The following CYP2J2 variants were observed in gnomAD, a reference collection of about 807,000 sequenced individuals.
The protein encoded by CYP2J2 is cytochrome P450 family 2 subfamily J member 2.
In CYP2J2, 41 loss-of-function variants were observed where a neutral mutation model predicts 48.8. That is an observed-to-expected ratio of 0.84 (90% CI 0.66 to 1.09). The LOEUF (loss-of-function observed/expected upper bound fraction) is 1.09, where lower values mean the gene tolerates loss of function less well. Ranked by LOEUF, CYP2J2 falls within the 50% of genes least tolerant of loss-of-function variation. The probability of loss-of-function intolerance (pLI) is 0.00; values close to 1 mark genes in which losing one functional copy is unlikely to be tolerated. For synonymous variants in CYP2J2, 221 were observed against 227.1 expected (o/e 0.97, Z 0.24); for missense variants, 644 against 617.3 (o/e 1.04, Z -0.46).
intron 1 of CYP2J2, among the ~76,000 whole-genome samples, chr1:59,918,611 C>A (rs1400445118): frequency 3.3e-5 from 5 of 151,034 alleles, no homozygotes; most frequent in Non-Finnish European, 4.4e-5. Flanking sequence ...CAGAGGGCCT[C>A]TGAGAAGACT....
chr1:59,956,485 G>A, the CYP2J2 span, among the ~76,000 whole-genome samples: 1 of 152,016 alleles, frequency 6.6e-6, no homozygotes, highest in African/African-American at 2.4e-5. Flanking sequence ...TTTTTTCAAT[G>A]TTTCAACTTC....
the CYP2J2 span, among the ~76,000 whole-genome samples, chr1:59,934,175 T>C: frequency 3.9e-5 from 6 of 152,102 alleles, no homozygotes; most frequent in Admixed American, 2.6e-4. Context: ...CAAAACTGTA[T>C]AACCACATGT....
At chr1:59,960,334 C>G in the CYP2J2 span, among the ~76,000 whole-genome samples, 1 of 152,110 alleles carries the variant, frequency 6.6e-6, no homozygotes, top group African/African-American at 2.4e-5. Context: ...GAAGAGAGAG[C>G]TGGAGAAATT....
At chr1:59,933,492 T>C in the CYP2J2 span, among the ~76,000 whole-genome samples, 1 of 152,186 alleles carries the variant, frequency 6.6e-6, no homozygotes, top group South Asian at 2.1e-4. Flanking sequence ...GTTGTTAGTG[T>C]ATAGAAACAC....
the CYP2J2 span, among the ~76,000 whole-genome samples, chr1:59,955,779 T>C: frequency 6.6e-6 from 1 of 151,882 alleles, no homozygotes. Flanking sequence ...AAGAAGGGGG[T>C]TGGCTGTATT....
the CYP2J2 span, among the ~76,000 whole-genome samples, chr1:59,938,023 A>T: frequency 6.6e-6 from 1 of 152,052 alleles, no homozygotes; most frequent in East Asian, 1.9e-4. Flanking sequence ...ACTATTTTGA[A>T]TTCTCTGTGT....
At chr1:59,960,510 C>T in the CYP2J2 span, among the ~76,000 whole-genome samples, 2 of 152,166 alleles carry the variant, frequency 1.3e-5, no homozygotes, top group African/African-American at 4.8e-5. Flanking sequence ...ACTGCATACC[C>T]AGAGACTAGA....
At chr1:59,909,754 C>A in intron 5 of CYP2J2, 30 bp downstream of exon 5, 1 of 1,536,680 alleles carries the variant, frequency 6.5e-7, no homozygotes, top group African/African-American at 1.4e-5. Context: ...GCTCTAAGAA[C>A]AAAATACAAA....
the CYP2J2 span, among the ~76,000 whole-genome samples, chr1:59,958,841 A>T: frequency 7.2e-5 from 11 of 152,116 alleles, no homozygotes; most frequent in African/African-American, 2.4e-4. Context: ...CTATGTGAAC[A>T]ACCTCCAAAA....
chr1:59,905,923 A>G (rs963251765), intron 6 of CYP2J2, among the ~76,000 whole-genome samples: 9 of 152,194 alleles, frequency 5.9e-5, no homozygotes, highest in African/African-American at 1.7e-4. Flanking sequence ...TATTTTCCTC[A>G]CGCTTGTAAT....
chr1:59,935,017 T>TATATATATATATATATACAC, the CYP2J2 span, among the ~76,000 whole-genome samples: 1 of 33,192 alleles, frequency 3.0e-5, no homozygotes. Context: ...TATATATACA[T>TATATATATATATATATACAC]ATATATATAT....
chr1:59,912,486 C>T (rs1644426774), intron 2 of CYP2J2, 175 bp from the exon 3 acceptor site: 1 of 627,726 alleles, frequency 1.6e-6, no homozygotes, highest in Non-Finnish European at 2.7e-6. Context: ...TTACTGATTG[C>T]TTGCAATGGC....
Position 59,893,670 on chromosome 1 carries a change from C to T in CYP2J2, c.1490G>A (p.Cys497Tyr). The change falls in exon 9 of 9, where the codon TGC becomes TAC. Residue 497 changes from cysteine (C) to tyrosine (Y), a missense_variant. Cys to Tyr is a radical substitution (Grantham distance 194). Coordinates refer to ENST00000371204, the MANE Select transcript of CYP2J2 (RefSeq NM_000775.4). Reference protein sequence around the residue: ...ITISPVSHRLCAVPQV With the variant: ...ITISPVSHRLYAVPQV Reference sequence around the variant, plus strand: ...ACAATATTACACCTGAGGAACAGCGCAGAGGCGGTGACTGACTGGGGAAAT... The same window carrying T: ...ACAATATTACACCTGAGGAACAGCGTAGAGGCGGTGACTGACTGGGGAAAT... 1 of 1,611,838 alleles carries T rather than the reference C, an allele frequency of 6.2e-7. No homozygotes were observed.
intron 8 of CYP2J2, among the ~76,000 whole-genome samples, chr1:59,897,045 T>C (rs1331349913): frequency 6.6e-6 from 1 of 152,248 alleles, no homozygotes; most frequent in African/African-American, 2.4e-5. Flanking sequence ...AGTTAGATCA[T>C]ATATGCAAAA....
At chr1:59,943,603 T>G in the CYP2J2 span, among the ~76,000 whole-genome samples, 2 of 152,080 alleles carry the variant, frequency 1.3e-5, no homozygotes, top group Admixed American at 6.5e-5. Context: ...GATGAGTATA[T>G]GCCATGATTT....
At chr1:59,909,429 G>T (rs1644392005) in intron 5 of CYP2J2, among the ~76,000 whole-genome samples, 1 of 152,188 alleles carries the variant, frequency 6.6e-6, no homozygotes, top group Non-Finnish European at 1.5e-5. Flanking sequence ...AAGTCAGAGA[G>T]AAAGTATGTC....
chr1:59,940,553 A>T, the CYP2J2 span, among the ~76,000 whole-genome samples: 1 of 152,212 alleles, frequency 6.6e-6, no homozygotes, highest in African/African-American at 2.4e-5. Context: ...CAGTATGGAG[A>T]TTTCACAAAG....
intron 1 of CYP2J2, among the ~76,000 whole-genome samples, chr1:59,920,621 A>G (rs1644504389): frequency 6.6e-6 from 1 of 152,130 alleles, no homozygotes; most frequent in South Asian, 2.1e-4. Flanking sequence ...TAGGCTGAGG[A>G]GAGTCTTAAT....
At position 59,911,120 on chromosome 1, in the gene CYP2J2, G is replaced by T. The variant is rs186625691; in HGVS notation, c.684+488C>A. ...ATCCAAAACTTGGAAACAAATGTCC[G>T]TCAGTACAGAACAGATTGACAAAAA... On this transcript the variant is annotated intron_variant, in intron 4 of 8. Coordinates refer to ENST00000371204, the MANE Select transcript of CYP2J2 (RefSeq NM_000775.4). Among the ~76,000 whole-genome samples the T allele has an allele frequency of 2.1e-3, 313 of 152,244 alleles. 2 individuals are homozygous for T. The highest frequency in any genetic ancestry group is 7.1e-3 in the African/African-American group (297 of 41,558).
Sources: gnomAD v4.1 joint callset for allele counts (sites outside exome capture counted in the v4.1 genomes callset) on GRCh38, gnomAD v4.1.1 for gene constraint, MANE v1.5 for transcripts, NCBI Gene and HGNC (gene_info 2026-07-23, HGNC 2026-07-21) for gene names.